Variants in DCC observed in about 807,000 individuals in gnomAD.
The protein encoded by DCC is DCC netrin 1 receptor.
In DCC, 58 loss-of-function variants were observed where a neutral mutation model predicts 172.5. The observed-to-expected ratio is 0.34, with a 90% CI of 0.27 to 0.42. DCC has a LOEUF of 0.42. DCC is among the 10% of genes least tolerant of loss of function. The pLI, the probability that DCC is intolerant of heterozygous loss-of-function variation, is 1.00. For missense variants in DCC, 1,740 were observed against 1,791.0 expected, an observed-to-expected ratio of 0.97 and a Z score of 0.51; for synonymous variants, 709 against 644.5, an observed-to-expected ratio of 1.10 and a Z score of -1.52.
intron 5 of DCC, among the ~76,000 whole-genome samples, chr18:52,949,545 G>T (rs1407078594): frequency 6.6e-6 from 1 of 151,984 alleles, no homozygotes; most frequent in Non-Finnish European, 1.5e-5. Context: ...TTGCTTCTTG[G>T]AGTCAGCAGT....
intron 13 of DCC, among the ~76,000 whole-genome samples, chr18:53,312,901 G>C (rs1381468476): frequency 4.1e-5 from 3 of 72,658 alleles, no homozygotes; most frequent in African/African-American, 9.8e-5. Context: ...GGAGGGGAGA[G>C]GAGGGAAGGG....
intron 27 of DCC, among the ~76,000 whole-genome samples, chr18:53,519,235 C>T (rs566603707): frequency 5.1e-4 from 77 of 152,166 alleles, no homozygotes; most frequent in African/African-American, 1.7e-3. Context: ...ATTAGACTAT[C>T]GAGCCAAGGT....
chr18:53,380,702 T>G (rs1243690219), intron 15 of DCC, among the ~76,000 whole-genome samples: 8 of 152,150 alleles, frequency 5.3e-5, no homozygotes, highest in Admixed American at 5.2e-4. Context: ...CTGCATTACT[T>G]TAGAAAAACC....
intron 2 of DCC, among the ~76,000 whole-genome samples, chr18:52,826,197 C>G (rs2038505526): frequency 6.6e-6 from 1 of 152,158 alleles, no homozygotes; most frequent in Admixed American, 6.5e-5. Flanking sequence ...CAATAGCATA[C>G]AATATTCCCT....
chr18:52,796,494 G>A (rs1160293051), intron 2 of DCC, among the ~76,000 whole-genome samples: 2 of 151,952 alleles, frequency 1.3e-5, no homozygotes, highest in Non-Finnish European at 2.9e-5. Flanking sequence ...ATTTTTTGTA[G>A]GAACCAGTCT....
intron 8 of DCC, among the ~76,000 whole-genome samples, chr18:53,174,502 C>T (rs1299080405): frequency 4.7e-5 from 7 of 148,120 alleles, no homozygotes; most frequent in Non-Finnish European, 6.0e-5. Context: ...ATATCACCAC[C>T]GATCCCACAG....
intron 1 of DCC, among the ~76,000 whole-genome samples, chr18:52,484,869 G>T (rs1037500172): frequency 6.6e-6 from 1 of 151,138 alleles, no homozygotes; most frequent in African/African-American, 2.4e-5. Context: ...TCCAGTCACA[G>T]AAGGACACTT....
At chr18:52,577,426 A>G (rs1319105960) in intron 1 of DCC, among the ~76,000 whole-genome samples, 1 of 152,216 alleles carries the variant, frequency 6.6e-6, no homozygotes, top group African/African-American at 2.4e-5. Flanking sequence ...TTATTTTTAA[A>G]AAATGAAATA....
intron 28 of DCC, among the ~76,000 whole-genome samples, chr18:53,527,437 A>C (rs996763032): frequency 1.1e-4 from 17 of 151,978 alleles, no homozygotes; most frequent in Non-Finnish European, 2.1e-4. Flanking sequence ...CTATATTATG[A>C]GGGCTTTTTG....
chr18:52,727,539 G>T (rs1043523981), intron 1 of DCC, among the ~76,000 whole-genome samples: 2 of 152,170 alleles, frequency 1.3e-5, no homozygotes, highest in African/African-American at 4.8e-5. Flanking sequence ...ACCTTATCCT[G>T]CAGTTGGACA....
At chr18:52,917,647 A>G (rs1858572514) in intron 3 of DCC, among the ~76,000 whole-genome samples, 1 of 152,196 alleles carries the variant, frequency 6.6e-6, no homozygotes, top group African/African-American at 2.4e-5. Flanking sequence ...GTATTGCCAT[A>G]GGGTGGTTCC....
intron 7 of DCC, among the ~76,000 whole-genome samples, chr18:53,066,425 G>A (rs12961886): frequency 7.5e-6 from 1 of 133,894 alleles, no homozygotes; most frequent in Non-Finnish European, 1.6e-5. Flanking sequence ...GTGTGTTTGT[G>A]TATATATATA....
intron 12 of DCC, among the ~76,000 whole-genome samples, chr18:53,259,573 G>A (rs1001820057): frequency 3.9e-5 from 6 of 152,172 alleles, no homozygotes; most frequent in Non-Finnish European, 5.9e-5. Context: ...TTTCTGCCAA[G>A]AGATCTGCTG....
intron 1 of DCC, among the ~76,000 whole-genome samples, chr18:52,467,274 C>T (rs1265561590): frequency 1.3e-5 from 2 of 152,018 alleles, no homozygotes; most frequent in Non-Finnish European, 2.9e-5. Flanking sequence ...TCAACTCCCA[C>T]TTATGAGTGA....
intron 1 of DCC, among the ~76,000 whole-genome samples, chr18:52,551,458 C>T (rs867487975): frequency 6.6e-6 from 1 of 151,970 alleles, no homozygotes; most frequent in South Asian, 2.1e-4. Context: ...ATATGATTAC[C>T]TTTGAAGGAA....
intron 5 of DCC, among the ~76,000 whole-genome samples, chr18:52,969,662 G>C (rs139650780): frequency 2.9e-4 from 40 of 137,158 alleles, no homozygotes; most frequent in African/African-American, 9.8e-4. Flanking sequence ...TTTCTCATCA[G>C]TCCTCTCCAA....
intron 1 of DCC, among the ~76,000 whole-genome samples, chr18:52,736,455 A>G (rs2036731305): frequency 6.6e-6 from 1 of 152,028 alleles, no homozygotes; most frequent in African/African-American, 2.4e-5. Flanking sequence ...TGACTTTGAT[A>G]ATTATCAGGT....
chr18:52,723,397 T>A (rs2036502065), intron 1 of DCC, among the ~76,000 whole-genome samples: 1 of 152,150 alleles, frequency 6.6e-6, no homozygotes, highest in Admixed American at 6.5e-5. Context: ...TGTTGCCTAC[T>A]AGGATAATTA....
At chr18:52,349,406 C>G (rs1245557599) in intron 1 of DCC, among the ~76,000 whole-genome samples, 1 of 152,156 alleles carries the variant, frequency 6.6e-6, no homozygotes. Context: ...TTTTTTCAGT[C>G]TCATGGGATC....
Sources: allele counts gnomAD v4.1 joint callset (sites outside exome capture counted in the v4.1 genomes callset), GRCh38; gene constraint gnomAD v4.1.1; transcripts MANE v1.5; gene names NCBI Gene and HGNC (gene_info 2026-07-23, HGNC 2026-07-21).